SLC27A1: variants seen among roughly 807,000 people sequenced by gnomAD.
The protein encoded by SLC27A1 is solute carrier family 27 member 1, also known as long-chain fatty acid transport protein 1.
In SLC27A1, 61 loss-of-function variants were observed where a neutral mutation model predicts 62.2. The observed-to-expected ratio is 0.98, with a 90% CI of 0.80 to 1.21. The LOEUF (loss-of-function observed/expected upper bound fraction) is 1.21. Among genes scored for constraint, SLC27A1 ranks in the 50% most tolerant of loss-of-function variants. The probability of loss-of-function intolerance (pLI) is 0.00; values close to 1 mark genes in which losing one functional copy is unlikely to be tolerated. For synonymous variants in SLC27A1, 435 were observed against 408.6 expected (o/e 1.06, Z -0.78); for missense variants, 903 against 932.1 (o/e 0.97, Z 0.41).
At chr19:17,499,942 C>T (rs1313525160) in intron 7 of SLC27A1, 3 of 293,046 alleles carry the variant, frequency 1.0e-5, no homozygotes, top group Non-Finnish European at 1.9e-5. Context: ...CCAAGCAGGG[C>T]GGCGGGCAGC....
chr19:17,487,131 G>T (rs1433584885), intron 2 of SLC27A1, 43 bp from the exon 3 acceptor site: 1 of 1,612,354 alleles, frequency 6.2e-7, no homozygotes. Context: ...TCGGGAGGGG[G>T]CCTGTCCGGC....
chr19:17,480,811 A>G (rs1321234415), intron 1 of SLC27A1, among the ~76,000 whole-genome samples: 1 of 152,136 alleles, frequency 6.6e-6, no homozygotes, highest in African/African-American at 2.4e-5. Flanking sequence ...AGAATATCCA[A>G]TAGGTTATTT....
At chr19:17,471,839 A>G (rs986389721) in intron 1 of SLC27A1, among the ~76,000 whole-genome samples, 4 of 151,962 alleles carry the variant, frequency 2.6e-5, no homozygotes, top group Non-Finnish European at 5.9e-5. Context: ...CTGCTCAGAC[A>G]CCTTCCATGG....
In SLC27A1 at chr19:17,500,631, A is replaced by C; in HGVS notation, c.1470A>C (p.Ser490=). 6.2e-7 allele frequency: 1 copy of C among 1,613,844 alleles called. No individual in the cohort carries two copies. The highest frequency in any genetic ancestry group is 8.5e-7 in the Non-Finnish European group (1 of 1,179,964). The change falls in exon 9 of 12, where the codon TCA becomes TCC. Residue 490 remains serine, a splice_region_variant and synonymous_variant. Transcript: ENST00000252595. ...VFSKGDSAYL[S]GDVLVMDELG... is the part of the protein sequence containing the mutation. ...GCAAGGGCGACAGCGCCTACCTCTC[A>C]GGTGCGCAGCCTGCTAGGCCCCGGT...
At chr19:17,498,544 G>C (rs1234460270) in intron 7 of SLC27A1, 1 of 161,170 alleles carries the variant, frequency 6.2e-6, no homozygotes, top group Non-Finnish European at 1.4e-5. Flanking sequence ...GGTGGCTCAC[G>C]CCTGTAGGGT....
At position 17,487,445 on chromosome 19, in the gene SLC27A1, C is replaced by CT; in HGVS notation, c.725-14dup. On this transcript the variant is annotated splice_polypyrimidine_tract_variant and intron_variant, in intron 3 of 11. Coordinates refer to ENST00000252595, the MANE Select transcript of SLC27A1 (RefSeq NM_198580.3). Reference sequence around the variant, plus strand: ...AATGCTCAGGCCCCACCCCTAACACCTGTATCTCCTGCAGATCGTCTTTTC... The same window carrying CT: ...AATGCTCAGGCCCCACCCCTAACACCTTGTATCTCCTGCAGATCGTCTTTTC... 1 of 1,605,270 alleles carries CT rather than the reference C, an allele frequency of 6.2e-7. No homozygotes were observed. The highest frequency in any genetic ancestry group is 1.3e-5 in the African/African-American group (1 of 74,514).
At chr19:17,499,480 T>C (rs1183775203) in intron 7 of SLC27A1, 2 of 152,154 alleles carry the variant, frequency 1.3e-5, no homozygotes, top group Non-Finnish European at 2.9e-5. Context: ...TATTTTATTA[T>C]ACTGGAATGG....
chr19:17,482,389 A>G (rs1472789220), intron 1 of SLC27A1, among the ~76,000 whole-genome samples: 1 of 152,144 alleles, frequency 6.6e-6, no homozygotes, highest in East Asian at 1.9e-4. Flanking sequence ...GTGGTGGCTC[A>G]TGCCTGTAAT....
rs533061496 is a variant in SLC27A1, at chr19:17,501,206, G to A, written c.1637-67G>A. On this transcript the variant is annotated intron_variant, in intron 10 of 11. Coordinates refer to ENST00000252595, the MANE Select transcript of SLC27A1 (RefSeq NM_198580.3). The stretch of plus-strand genomic sequence containing the variant: ...ACAGACCAGGGGCTACTGCTTGACA[G>A]TGTATCTGGTCCTGCTGGTGGGGAG... 7.0e-6 allele frequency: 11 copies of A among 1,581,758 alleles called. No individual in the cohort carries two copies. The African/African-American group carries it at 1.5e-4, about 21-fold the overall frequency.
chr19:17,503,958 G>T lies in SLC27A1; in HGVS notation c.1784-497G>T, dbSNP rs532697473. ...AAAAAAAAAAAAAAAAAAAAAAAAA[G>T]GGTTTTTGCAGAGACAGAGTCTCAC... On this transcript the variant is annotated intron_variant, in intron 11 of 11. Coordinates refer to ENST00000252595, the MANE Select transcript of SLC27A1 (RefSeq NM_198580.3). Among the ~76,000 whole-genome samples the T allele has an allele frequency of 7.6e-4, 106 of 138,832 alleles. 1 individual carries two copies. Among genetic ancestry groups the T allele is most frequent in the African/African-American group, 2.8e-3 (103 of 36,760 alleles). 91.1% of individuals were successfully genotyped at this position (138,832 alleles called of 152,430 possible).
rs751148243 is a variant in SLC27A1, at chr19:17,489,062, G to A, written c.941G>A (p.Arg314His). The A allele has an allele frequency of 1.2e-6, 2 of 1,614,120 alleles. No homozygotes were observed. Among genetic ancestry groups the A allele is most frequent in the Admixed American group, 3.3e-5 (2 of 60,018 alleles). ...CLIYGLTVVL[R>H]KKFSASRFWD... Reference sequence around the variant, plus strand: ...ATCTATGGGCTGACAGTCGTCCTCCGCAAGAAATTCTCGGCCAGCCGCTTC... The same window carrying A: ...ATCTATGGGCTGACAGTCGTCCTCCACAAGAAATTCTCGGCCAGCCGCTTC... Residue 314 changes from arginine (R) to histidine (H), a missense_variant, in exon 6 of 12, where the codon CGC becomes CAC. Arg to His is a conservative substitution (Grantham distance 29). Transcript: ENST00000252595.
At chr19:17,475,067 A>G (rs1224766511) in intron 1 of SLC27A1, among the ~76,000 whole-genome samples, 1 of 151,202 alleles carries the variant, frequency 6.6e-6, no homozygotes, top group Non-Finnish European at 1.5e-5. Context: ...GGTGCCTGCC[A>G]CCACACCCGG....
chr19:17,496,943 A>G (rs2075355982), intron 6 of SLC27A1: 1 of 270,908 alleles, frequency 3.7e-6, no homozygotes, highest in African/African-American at 2.2e-5. Context: ...AGATCACTTG[A>G]ACCCAGGAGT....
chr19:17,497,063 G>C, intron 6 of SLC27A1, 192 bp from the exon 7 acceptor site: 2 of 534,690 alleles, frequency 3.7e-6, no homozygotes, highest in Non-Finnish European at 6.5e-6. Flanking sequence ...CCCTTTGCAA[G>C]AGACTGAACG....
chr19:17,489,191 C>T (rs2075270284), intron 6 of SLC27A1, 74 bp downstream of exon 6: 1 of 1,293,592 alleles, frequency 7.7e-7, no homozygotes, highest in African/African-American at 1.4e-5. Context: ...TCAGGCCCCA[C>T]CTCCTCCCGG....
intron 7 of SLC27A1, chr19:17,498,876 C>T (rs2075378535): frequency 6.5e-6 from 1 of 153,996 alleles, no homozygotes; most frequent in African/African-American, 2.4e-5. Context: ...GAGAGAAAGA[C>T]AGCTTATGCC....
chr19:17,476,156 G>A (rs549267361), intron 1 of SLC27A1, among the ~76,000 whole-genome samples: 201 of 152,244 alleles, frequency 1.3e-3, no homozygotes, highest in African/African-American at 4.5e-3. Flanking sequence ...CCCCATGGAT[G>A]TAACATTTGT....
chr19:17,481,088 G>A (rs2030366711), intron 1 of SLC27A1, among the ~76,000 whole-genome samples: 2 of 151,698 alleles, frequency 1.3e-5, no homozygotes, highest in South Asian at 4.2e-4. Flanking sequence ...ACCACGCCCG[G>A]CCAATTTTGT....
rs149508800 is a variant in SLC27A1, at chr19:17,494,878, C to A, written c.997-2377C>A. On this transcript the variant is annotated intron_variant, in intron 6 of 11. Transcript: ENST00000252595. Reference sequence around the variant, plus strand: ...TGGGTTGGGGGCTGCCAGAGATTTGCGCCCTATGCGGATGGCACATCTGGT... The same window carrying A: ...TGGGTTGGGGGCTGCCAGAGATTTGAGCCCTATGCGGATGGCACATCTGGT... 3.5e-3 allele frequency among the ~76,000 whole-genome samples: 530 copies of A among 151,788 alleles called. 4 individuals are homozygous for A. Among genetic ancestry groups the A allele is most frequent in the Middle Eastern group, 0.017 (5 of 286 alleles).
Sources: gnomAD v4.1 joint callset for allele counts (sites outside exome capture counted in the v4.1 genomes callset) on GRCh38, gnomAD v4.1.1 for gene constraint, MANE v1.5 for transcripts, NCBI Gene and HGNC (gene_info 2026-07-23, HGNC 2026-07-21) for gene names.